The following FREM1 variants were observed in gnomAD, a reference collection of about 807,000 sequenced individuals.
FREM1 encodes the protein FRAS1-related extracellular matrix protein 1.
A neutral mutation model predicts 210.1 loss-of-function variants in FREM1; 220 were observed. That is an observed-to-expected ratio of 1.05 (90% CI 0.94 to 1.17). The LOEUF (loss-of-function observed/expected upper bound fraction) is 1.17. Ranked by LOEUF, FREM1 falls within the 50% of genes most tolerant of loss-of-function variation. The pLI, the probability that FREM1 is intolerant of heterozygous loss-of-function variation, is 0.00. For synonymous variants in FREM1, 1,189 were observed against 980.2 expected, an observed-to-expected ratio of 1.21 and a Z score of -3.98; for missense variants, 3,454 against 2,675.5, an observed-to-expected ratio of 1.29 and a Z score of -6.42.
At chr9:14,866,351 C>A (rs1370861280) in intron 2 of FREM1, among the ~76,000 whole-genome samples, 2 of 152,148 alleles carry the variant, frequency 1.3e-5, no homozygotes, top group East Asian at 3.9e-4. Flanking sequence ...GCAGGCCAAG[C>A]AATCAGGACC....
intron 8 of FREM1, among the ~76,000 whole-genome samples, chr9:14,843,459 T>C (rs994886060): frequency 6.6e-6 from 1 of 152,120 alleles, no homozygotes; most frequent in African/African-American, 2.4e-5. Context: ...CGCAATTACA[T>C]AAGCCAATTC....
chr9:14,830,433 T>G (rs1823336133), intron 10 of FREM1, among the ~76,000 whole-genome samples: 1 of 152,224 alleles, frequency 6.6e-6, no homozygotes, highest in Non-Finnish European at 1.5e-5. Flanking sequence ...GGGTGTTTAA[T>G]AATGCTTTTG....
At chr9:14,798,055 A>C (rs1329258729) in intron 20 of FREM1, among the ~76,000 whole-genome samples, 5 of 152,088 alleles carry the variant, frequency 3.3e-5, no homozygotes, top group Non-Finnish European at 7.4e-5. Context: ...GTTTTTTTTA[A>C]ATCTACCTAA....
At position 14,842,359 on chromosome 9, in the gene FREM1, T is replaced by G. The variant is rs992039923; in HGVS notation, c.1695A>C (p.Pro565=). ...GCTTCTTCATGATCTCCCCAGCCTG[T>G]GGAGGCTTTGTGATATTGAAGAAGA... ...DYIFFNITKP[P]QAGEIMKKPG... is the part of the protein sequence containing the mutation. Residue 565 remains proline, a synonymous_variant, in exon 9 of 37, where the codon CCA becomes CCC. Coordinates refer to ENST00000380880, the MANE Select transcript of FREM1 (RefSeq NM_001379081.2). 6.2e-6 allele frequency: 10 copies of G among 1,607,042 alleles called. No individual in the cohort carries two copies. Among genetic ancestry groups the G allele is most frequent in the Non-Finnish European group, 7.7e-6 (9 of 1,175,240 alleles).
chr9:14,902,044 C>G (rs1838881846), intron 1 of FREM1, among the ~76,000 whole-genome samples: 1 of 151,302 alleles, frequency 6.6e-6, no homozygotes, highest in Non-Finnish European at 1.5e-5. Flanking sequence ...TCAGATCTCA[C>G]TATGTTTCTC....
chr9:14,834,630 C>T (rs1043803945), intron 10 of FREM1, among the ~76,000 whole-genome samples: 1 of 152,132 alleles, frequency 6.6e-6, no homozygotes, highest in African/African-American at 2.4e-5. Flanking sequence ...ATTATCCTTC[C>T]TGATGCCTGG....
chr9:14,897,491 G>A (rs1314607400), intron 1 of FREM1, among the ~76,000 whole-genome samples: 4 of 152,018 alleles, frequency 2.6e-5, no homozygotes, highest in African/African-American at 9.7e-5. Context: ...AAGCAAAGTG[G>A]GGAATGTAAA....
chr9:14,891,034 C>T (rs916226575), intron 1 of FREM1, among the ~76,000 whole-genome samples: 1 of 152,184 alleles, frequency 6.6e-6, no homozygotes, highest in African/African-American at 2.4e-5. Context: ...TCATCAGGGA[C>T]CTACCGTGGG....
intron 10 of FREM1, among the ~76,000 whole-genome samples, chr9:14,830,639 T>C (rs2990586): frequency 0.87 from 132,611 of 152,122 alleles, 58,030 homozygotes; most frequent in East Asian, 0.97. Flanking sequence ...GCTTTGGAGC[T>C]CCCCCCGCTC....
intron 1 of FREM1, among the ~76,000 whole-genome samples, chr9:14,908,676 A>C (rs941027830): frequency 1.3e-5 from 2 of 152,208 alleles, no homozygotes; most frequent in Non-Finnish European, 2.9e-5. Context: ...TTTCTTATTT[A>C]GATATAAGGT....
At chr9:14,846,761 G>A (rs1043978806) in intron 7 of FREM1, among the ~76,000 whole-genome samples, 8 of 152,152 alleles carry the variant, frequency 5.3e-5, no homozygotes, top group South Asian at 2.1e-4. Flanking sequence ...CAAGCTGGTC[G>A]AATTGCAAGG....
At chr9:14,814,809 T>G (rs955376236) in intron 15 of FREM1, among the ~76,000 whole-genome samples, 1 of 152,136 alleles carries the variant, frequency 6.6e-6, no homozygotes, top group African/African-American at 2.4e-5. Context: ...TCACAAACAC[T>G]TGTCAAAAAA....
chr9:14,876,828 C>G (rs929834758), intron 1 of FREM1, among the ~76,000 whole-genome samples: 1 of 152,158 alleles, frequency 6.6e-6, no homozygotes, highest in Non-Finnish European at 1.5e-5. Flanking sequence ...TTGGCTGCCT[C>G]CCCTTTAATA....
At chr9:14,887,258 C>T (rs1413583193) in intron 1 of FREM1, among the ~76,000 whole-genome samples, 1 of 152,138 alleles carries the variant, frequency 6.6e-6, no homozygotes, top group Non-Finnish European at 1.5e-5. Context: ...ACCTACTGAC[C>T]TTACAACTCC....
chr9:14,885,336 C>T (rs59879959), intron 1 of FREM1, among the ~76,000 whole-genome samples: 13,047 of 152,138 alleles, frequency 0.086, 756 homozygotes, highest in East Asian at 0.24. Flanking sequence ...GTTATTACCC[C>T]TTGACTCACA....
chr9:14,885,362 C>A (rs61563034), intron 1 of FREM1, among the ~76,000 whole-genome samples: 13,079 of 151,938 alleles, frequency 0.086, 769 homozygotes, highest in East Asian at 0.24. Flanking sequence ...ATTTATTGTT[C>A]GTTTTTACTT....
rs971285761 is a variant in FREM1 at position 14,909,477 on chromosome 9, C to T, written c.-268+437G>A. On this transcript the variant is annotated intron_variant, in intron 1 of 36. Coordinates refer to ENST00000380880, the MANE Select transcript of FREM1 (RefSeq NM_001379081.2). ...GTCTCCAAATATAACTAAACTTAAG[C>T]AAAGGTATCCAGACATTATCTCATC... Among the ~76,000 whole-genome samples, 5 of 152,278 alleles carry T rather than the reference C, an allele frequency of 3.3e-5. No homozygotes were observed. In the East Asian group the frequency reaches 9.6e-4, roughly 29 times the overall value.
In FREM1 at chr9:14,756,449, T is replaced by G; in HGVS notation, c.5335-3A>C. On this transcript the variant is annotated splice_polypyrimidine_tract_variant and splice_region_variant and intron_variant, in intron 28 of 36. Transcript: ENST00000380880. ...ACTGCAGCTGACACTTGGTTGACCT[T>G]AGGAGGGAAAAAAAAATCTTTTTAA... is the stretch of plus-strand genomic sequence containing the variant. The G allele has an allele frequency of 6.3e-7, 1 of 1,584,078 alleles. No individual in the cohort carries two copies. The highest frequency in any genetic ancestry group is 1.2e-5 in the South Asian group (1 of 85,882).
chr9:14,741,540 A>C (rs528174370), intron 35 of FREM1, among the ~76,000 whole-genome samples: 1 of 152,154 alleles, frequency 6.6e-6, no homozygotes, highest in Non-Finnish European at 1.5e-5. Context: ...AGGTATGATG[A>C]GGCATCTCCT....
Sources: gnomAD v4.1 joint callset for allele counts (sites outside exome capture counted in the v4.1 genomes callset) on GRCh38, gnomAD v4.1.1 for gene constraint, MANE v1.5 for transcripts, NCBI Gene and HGNC (gene_info 2026-07-23, HGNC 2026-07-21) for gene names.